Variants in HMCN1 observed in about 807,000 individuals in gnomAD.
HMCN1 encodes the protein hemicentin-1.
In HMCN1, 321 loss-of-function variants were observed where a neutral mutation model predicts 625.9. The ratio of observed to expected loss-of-function variants is 0.51; its 90% CI spans 0.47 to 0.56. The LOEUF (loss-of-function observed/expected upper bound fraction) is 0.56, where lower values mean the gene tolerates loss of function less well. Among genes scored for constraint, HMCN1 ranks in the 20% least tolerant of loss-of-function variants. The pLI, the probability that HMCN1 is intolerant of heterozygous loss-of-function variation, is 0.00. For missense variants in HMCN1, 6,588 were observed against 6,887.3 expected (o/e 0.96, Z 1.54); for synonymous variants, 2,425 against 2,417.6 (o/e 1.00, Z -0.09).
chr1:186,087,919 C>G lies in HMCN1; in HGVS notation c.9364-13C>G, dbSNP rs772211062. On this transcript the variant is annotated splice_polypyrimidine_tract_variant and intron_variant, in intron 60 of 106. Transcript: ENST00000271588. Reference sequence around the variant, plus strand: ...CTTAATGGAGCACATACAATAGTATCTTTTTCTTTTAGGTATCTGACACAG... The same window carrying G: ...CTTAATGGAGCACATACAATAGTATGTTTTTCTTTTAGGTATCTGACACAG... 6.2e-7 allele frequency: 1 copy of G among 1,604,548 alleles called. No homozygotes were observed. The highest frequency in any genetic ancestry group is 1.1e-5 in the South Asian group (1 of 90,904).
intron 12 of HMCN1, 139 bp downstream of exon 12, chr1:185,962,798 C>T (rs1650123918): frequency 3.0e-6 from 2 of 665,782 alleles, no homozygotes; most frequent in Non-Finnish European, 5.5e-6. Flanking sequence ...TCTAAACAGG[C>T]TATGAATGTC....
chr1:186,030,154 CAT>C (rs1321375333), intron 36 of HMCN1, among the ~76,000 whole-genome samples: 10 of 152,198 alleles, frequency 6.6e-5, no homozygotes, highest in Admixed American at 2.0e-4. Flanking sequence ...GAGACTATGA[CAT>C]GTGCACTTGA....
intron 16 of HMCN1, among the ~76,000 whole-genome samples, chr1:185,979,464 G>A (rs1349868314): frequency 6.6e-6 from 1 of 152,114 alleles, no homozygotes; most frequent in Non-Finnish European, 1.5e-5. Flanking sequence ...GAATAAAAGA[G>A]CTCAATATCT....
intron 4 of HMCN1, among the ~76,000 whole-genome samples, chr1:185,890,043 G>A (rs1213290866): frequency 6.6e-6 from 1 of 151,642 alleles, no homozygotes; most frequent in Non-Finnish European, 1.5e-5. Context: ...TCTTGGGAGA[G>A]TGTATGTGTC....
intron 4 of HMCN1, among the ~76,000 whole-genome samples, chr1:185,874,894 G>A (rs1251226821): frequency 6.6e-6 from 1 of 151,714 alleles, no homozygotes; most frequent in Non-Finnish European, 1.5e-5. Context: ...TAAAAAAGGA[G>A]AAAGTCTTCA....
At chr1:186,145,306 AGAGACT>A in intron 91 of HMCN1, 91 bp from the exon 92 acceptor site, 1 of 1,247,068 alleles carries the variant, frequency 8.0e-7, no homozygotes. Flanking sequence ...GGTGCTGAGA[AGAGACT>A]TTTTTTTTAA....
chr1:186,093,374 A>G, intron 65 of HMCN1, 112 bp from the exon 66 acceptor site: 1 of 1,580,430 alleles, frequency 6.3e-7, no homozygotes. Flanking sequence ...TGCCACCACT[A>G]TTTCCTTTTG....
chr1:186,075,259 G>A (rs1438487937), intron 53 of HMCN1, among the ~76,000 whole-genome samples: 2 of 151,980 alleles, frequency 1.3e-5, no homozygotes, highest in Non-Finnish European at 2.9e-5. Context: ...AAAATTACCT[G>A]TCCACTACTG....
chr1:185,986,222 A>G (rs1651990204), intron 19 of HMCN1, among the ~76,000 whole-genome samples: 1 of 152,220 alleles, frequency 6.6e-6, no homozygotes, highest in Admixed American at 6.5e-5. Context: ...AAATATGAGT[A>G]TGTAGCATAT....
chr1:185,769,637 G>C (rs550142531), intron 1 of HMCN1, among the ~76,000 whole-genome samples: 30 of 152,172 alleles, frequency 2.0e-4, no homozygotes, highest in Non-Finnish European at 3.4e-4. Context: ...AACTTAAATG[G>C]TGGTTTTTTA....
At chr1:186,065,042 C>G (rs571391773) in intron 48 of HMCN1, among the ~76,000 whole-genome samples, 196 bp from the exon 49 acceptor site, 4 of 152,056 alleles carry the variant, frequency 2.6e-5, no homozygotes, top group African/African-American at 9.6e-5. Context: ...ATAATCTATG[C>G]ATATTTTTAA....
intron 23 of HMCN1, among the ~76,000 whole-genome samples, chr1:185,993,932 C>T (rs1652610699): frequency 6.6e-6 from 1 of 151,888 alleles, no homozygotes; most frequent in South Asian, 2.1e-4. Flanking sequence ...CAATTGTGTC[C>T]CCATTGATTA....
Position 186,128,107 on chromosome 1 carries a change from T to C in HMCN1, c.12720T>C (p.Val4240=), listed in dbSNP as rs374417221. 1 of 1,613,612 alleles carries C rather than the reference T, an allele frequency of 6.2e-7. No homozygotes were observed. The highest frequency in any genetic ancestry group is 8.5e-7 in the Non-Finnish European group (1 of 1,179,690). ...AGGATTCTGGCTTCTATACCTGTGT[T>C]GCTAACAATGCTGCAGGTGAAGATA... ...VLEDSGFYTC[V]ANNAAGEDTH... is the part of the protein sequence containing the mutation. Residue 4240 remains valine, a synonymous_variant, in exon 83 of 107, where the codon GTT becomes GTC. Coordinates refer to ENST00000271588, the MANE Select transcript of HMCN1 (RefSeq NM_031935.3).
chr1:185,873,225 T>C (rs1663732832), intron 4 of HMCN1, among the ~76,000 whole-genome samples: 1 of 152,194 alleles, frequency 6.6e-6, no homozygotes, highest in South Asian at 2.1e-4. Flanking sequence ...ATTACCTGCA[T>C]TGCTAATTCT....
chr1:186,139,010 C>CA (rs1649793684), intron 89 of HMCN1, among the ~76,000 whole-genome samples: 1 of 152,042 alleles, frequency 6.6e-6, no homozygotes, highest in East Asian at 1.9e-4. Flanking sequence ...TCAACATACC[C>CA]AAAAAACTCA....
At chr1:186,073,899 T>C (rs1368652820) in intron 52 of HMCN1, among the ~76,000 whole-genome samples, 2 of 151,966 alleles carry the variant, frequency 1.3e-5, no homozygotes, top group African/African-American at 4.8e-5. Flanking sequence ...TATTGGTAAT[T>C]ATAAGGTCTA....
chr1:186,174,634 C>G lies in HMCN1; in HGVS notation c.15935C>G (p.Pro5312Arg). 5 of 1,613,898 alleles carry G rather than the reference C, an allele frequency of 3.1e-6. No individual in the cohort carries two copies. Among genetic ancestry groups the G allele is most frequent in the South Asian group, 1.1e-5 (1 of 91,070 alleles). The change falls in exon 103 of 107, where the codon CCC becomes CGC. Residue 5312 changes from proline (P) to arginine (R), a missense_variant. This residue lies in a region of HMCN1 where 1,954 missense variants were observed against 2,013.1 expected (regional missense o/e 0.97). Transcript: ENST00000271588. ...TATCGGTCTCAAGGAGTTGGAAGACCCTGCATGGGTAAGTTAATAGGAACT... is the reference window on the plus strand; with the variant it reads ...TATCGGTCTCAAGGAGTTGGAAGACGCTGCATGGGTAAGTTAATAGGAACT... ...RGYRSQGVGRPCMDINECEQV... is the reference protein window; with the variant it reads ...RGYRSQGVGRRCMDINECEQV...
chr1:185,891,501 G>A lies in HMCN1; in HGVS notation c.622-17836G>A, dbSNP rs957049890. Among the ~76,000 whole-genome samples, 5 of 147,786 alleles carry A rather than the reference G, an allele frequency of 3.4e-5. 1 individual carries two copies. The highest frequency in any genetic ancestry group is 2.0e-4 in the Admixed American group (3 of 15,144). ...TCCTTCAGGAGCTCTTTTAGGGCAG[G>A]CCTGGTCGTGACAAAATCTCTCAGC... is the stretch of plus-strand genomic sequence containing the variant. On this transcript the variant is annotated intron_variant, in intron 4 of 106. Transcript: ENST00000271588.
At chr1:185,929,058 A>G (rs1243029146) in intron 10 of HMCN1, among the ~76,000 whole-genome samples, 3 of 151,352 alleles carry the variant, frequency 2.0e-5, no homozygotes, top group Admixed American at 2.0e-4. Flanking sequence ...GGATTAATGA[A>G]TAGTTTTTGA....
Sources: gnomAD v4.1 joint callset for allele counts (sites outside exome capture counted in the v4.1 genomes callset) on GRCh38, gnomAD v4.1.1 for gene constraint, gnomAD v4.1.1 regional missense constraint, MANE v1.5 for transcripts, NCBI Gene and HGNC (gene_info 2026-07-23, HGNC 2026-07-21) for gene names.